SULF2: variants seen among roughly 807,000 people sequenced by gnomAD.
The protein encoded by SULF2 is extracellular sulfatase Sulf-2.
A neutral mutation model predicts 107.7 loss-of-function variants in SULF2; 52 were observed. The observed-to-expected ratio is 0.48, with a 90% CI of 0.39 to 0.61. The LOEUF (loss-of-function observed/expected upper bound fraction) is 0.61, where lower values mean the gene tolerates loss of function less well. Ranked by LOEUF, SULF2 falls within the 20% of genes least tolerant of loss-of-function variation. The pLI is 0.00. For synonymous variants in SULF2, 460 were observed against 464.3 expected (o/e 0.99, Z 0.12); for missense variants, 993 against 1,177.3 (o/e 0.84, Z 2.29).
At chr20:47,692,999 T>G (rs1327223154) in intron 4 of SULF2, among the ~76,000 whole-genome samples, 1 of 152,202 alleles carries the variant, frequency 6.6e-6, no homozygotes, top group Non-Finnish European at 1.5e-5. Context: ...AAATGCTGAT[T>G]GAAGACTGGG....
chr20:47,765,502 G>A (rs1357664063), intron 1 of SULF2, among the ~76,000 whole-genome samples: 1 of 151,944 alleles, frequency 6.6e-6, no homozygotes, highest in African/African-American at 2.4e-5. Flanking sequence ...AGGGAAGAAA[G>A]GAAATTGTGG....
chr20:47,668,354 A>C (rs2087346408), intron 11 of SULF2, among the ~76,000 whole-genome samples: 1 of 152,240 alleles, frequency 6.6e-6, no homozygotes, highest in Non-Finnish European at 1.5e-5. Flanking sequence ...TGCAAAGCCC[A>C]AGACCTTTAC....
At chr20:47,731,182 CTTCTCTTTT>C (rs1303715649) in intron 3 of SULF2, among the ~76,000 whole-genome samples, 24 of 99,614 alleles carry the variant, frequency 2.4e-4, no homozygotes, top group Middle Eastern at 5.8e-3. Context: ...TCACCTGTAT[CTTCTCTTTT>C]TTTTTTTTTT....
chr20:47,757,168 C>T (rs2090311652), intron 2 of SULF2, 21 bp downstream of exon 2: 21 of 1,539,700 alleles, frequency 1.4e-5, no homozygotes, highest in Non-Finnish European at 1.8e-5. Context: ...CGAGGTGCCA[C>T]CCTGGGGCCC....
At chr20:47,784,943 G>A (rs993072907) in intron 1 of SULF2, among the ~76,000 whole-genome samples, 46 of 152,134 alleles carry the variant, frequency 3.0e-4, no homozygotes, top group Admixed American at 1.6e-3. Flanking sequence ...CACGTGGGCT[G>A]GCATCTACCG....
At chr20:47,753,359 G>C (rs2090205329) in intron 2 of SULF2, among the ~76,000 whole-genome samples, 1 of 152,196 alleles carries the variant, frequency 6.6e-6, no homozygotes, top group South Asian at 2.1e-4. Flanking sequence ...CACATCAAAA[G>C]CTTGAGAAAG....
intron 14 of SULF2, among the ~76,000 whole-genome samples, chr20:47,664,566 C>T (rs1378949884): frequency 6.6e-6 from 1 of 152,166 alleles, no homozygotes; most frequent in Non-Finnish European, 1.5e-5. Context: ...TTGGTTCCCT[C>T]ACCACCCTGC....
rs540919330 is a variant in SULF2, at chr20:47,658,219, C to T, written c.*143G>A. On this transcript the variant is annotated 3_prime_UTR_variant, in exon 21 of 21. Transcript: ENST00000688720. ...CTGCTGGTTATCCTCCAGAATCTGT[C>T]ATGTTGACTGAGAGTGCGTGCTTGC... 1.4e-5 allele frequency: 11 copies of T among 800,924 alleles called. No homozygotes were observed. In the East Asian group the frequency reaches 1.7e-4, roughly 13 times the overall value. The allele number at this position is 800,924 out of a possible 1,614,324, so 49.6% of individuals were successfully genotyped here. A position where few individuals can be genotyped will look rare whatever the true frequency, so the allele number is the denominator to read the frequency against.
rs2087718175 is a variant in SULF2 at position 47,678,397 on chromosome 20, C to G, written c.1193+279G>C. 2.4e-6 allele frequency: 1 copy of G among 413,140 alleles called. No individual in the cohort carries two copies. The highest frequency in any genetic ancestry group is 2.0e-5 in the African/African-American group (1 of 50,058). The allele number at this position is 413,140 out of a possible 1,614,324, so 25.6% of individuals were successfully genotyped here. On this transcript the variant is annotated intron_variant, in intron 8 of 20. Coordinates refer to ENST00000688720, the MANE Select transcript of SULF2 (RefSeq NM_001387048.1). The surrounding 1 kb of genome is among the most constrained non-coding windows in gnomAD (Gnocchi z 4.5). ...AAGCGCCGTGCAGTTAGCACCATCTCCTACCATCACTGCTGCTATCATTTC... is the reference window on the plus strand; with the variant it reads ...AAGCGCCGTGCAGTTAGCACCATCTGCTACCATCACTGCTGCTATCATTTC...
At chr20:47,780,743 A>G (rs1251214450) in intron 1 of SULF2, among the ~76,000 whole-genome samples, 11 of 151,638 alleles carry the variant, frequency 7.3e-5, no homozygotes, top group Admixed American at 5.3e-4. Flanking sequence ...TAGTAGAGAG[A>G]GGGTTTTGCC....
At chr20:47,701,763 T>C (rs1239919674) in intron 4 of SULF2, among the ~76,000 whole-genome samples, 4 of 152,196 alleles carry the variant, frequency 2.6e-5, no homozygotes, top group Non-Finnish European at 5.9e-5. Flanking sequence ...AACATAATAC[T>C]AAGCAGGAGA....
intron 2 of SULF2, among the ~76,000 whole-genome samples, chr20:47,740,647 A>G (rs1015644438): frequency 1.3e-5 from 2 of 152,050 alleles, no homozygotes; most frequent in Non-Finnish European, 2.9e-5. Context: ...CTCTTAAAAC[A>G]ACAACAACAA....
chr20:47,698,175 C>A (rs750841242), intron 4 of SULF2, among the ~76,000 whole-genome samples: 1 of 152,204 alleles, frequency 6.6e-6, no homozygotes, highest in East Asian at 1.9e-4. Flanking sequence ...GTTTCCAGAA[C>A]AGAAGTGGGA....
intron 19 of SULF2, 68 bp from the exon 20 acceptor site, chr20:47,659,520 A>G: frequency 6.4e-7 from 1 of 1,557,276 alleles, no homozygotes; most frequent in Non-Finnish European, 8.9e-7. Context: ...TCCCCAAAGA[A>G]CTATACAAAG....
intron 17 of SULF2, among the ~76,000 whole-genome samples, chr20:47,662,294 G>A (rs1602576414): frequency 6.6e-6 from 1 of 152,182 alleles, no homozygotes. Context: ...GGACGGGTAA[G>A]TGGCCTGGGT....
intron 11 of SULF2, among the ~76,000 whole-genome samples, chr20:47,670,908 C>A (rs1196045622): frequency 6.6e-6 from 1 of 151,932 alleles, no homozygotes; most frequent in African/African-American, 2.4e-5. Flanking sequence ...CACCTAAAAT[C>A]TCTCATTAGG....
intron 3 of SULF2, among the ~76,000 whole-genome samples, chr20:47,711,016 G>A (rs893114859): frequency 6.6e-6 from 1 of 152,214 alleles, no homozygotes; most frequent in Non-Finnish European, 1.5e-5. Context: ...CAGGGACTGA[G>A]ATTAGCTGGT....
Position 47,742,927 on chromosome 20 carries a change from A to ATTTTTTTTTTTTTTT in SULF2, c.176-6000_176-5986dup, listed in dbSNP as rs397837137. 1.3e-4 allele frequency among the ~76,000 whole-genome samples: 13 copies of ATTTTTTTTTTTTTTT among 99,452 alleles called. 6 individuals carry two copies. The highest frequency in any genetic ancestry group is 2.4e-4 in the Admixed American group (2 of 8,494). The allele number at this position is 99,452 out of a possible 152,430, so 65.2% of individuals were successfully genotyped here. ...AGGGAGTTTCAGGATTCAAAACATG[A>ATTTTTTTTTTTTTTT]TTTTTTTTTTTTTTTTTTTTTTTTT... On this transcript the variant is annotated intron_variant, in intron 2 of 20. Transcript: ENST00000688720.
upstream of SULF2, chr20:47,785,563 C>T (rs1242262843): frequency 2.8e-5 from 4 of 145,408 alleles, no homozygotes; most frequent in Non-Finnish European, 4.6e-5. Context: ...CCGGCCCCCT[C>T]CCCGCGCGCC....
Sources: gnomAD v4.1 joint callset for allele counts (sites outside exome capture counted in the v4.1 genomes callset) on GRCh38, gnomAD v4.1.1 for gene constraint, Gnocchi (gnomAD v3.1) non-coding constraint, MANE v1.5 for transcripts, NCBI Gene and HGNC (gene_info 2026-07-23, HGNC 2026-07-21) for gene names.